Variants in PHACTR2 observed in about 807,000 individuals in gnomAD.
The protein encoded by PHACTR2 is chromosome 6 open reading frame 56.
PHACTR2 carries 30 observed loss-of-function variants against 76.0 expected under a neutral mutation model. The ratio of observed to expected loss-of-function variants is 0.39; its 90% CI spans 0.30 to 0.54. The LOEUF (loss-of-function observed/expected upper bound fraction) is 0.54, where lower values mean the gene tolerates loss of function less well. Ranked by LOEUF, PHACTR2 falls within the 20% of genes least tolerant of loss-of-function variation. The pLI, the probability that PHACTR2 is intolerant of heterozygous loss-of-function variation, is 0.61. For missense variants in PHACTR2, 696 were observed against 781.1 expected, an observed-to-expected ratio of 0.89 and a Z score of 1.30; for synonymous variants, 292 against 292.5, an observed-to-expected ratio of 1.00 and a Z score of 0.02.
At chr6:143,748,162 T>C (rs1314170662) in intron 2 of PHACTR2, among the ~76,000 whole-genome samples, 1 of 152,028 alleles carries the variant, frequency 6.6e-6, no homozygotes, top group Non-Finnish European at 1.5e-5. Context: ...GCCTCCTGGG[T>C]TCAGGCGATT....
At position 143,765,137 on chromosome 6, in the gene PHACTR2, A is replaced by G. The variant is rs983200840; in HGVS notation, c.695-124A>G. On this transcript the variant is annotated intron_variant, in intron 5 of 12. Transcript: ENST00000440869. The surrounding 1 kb of genome is among the most constrained non-coding windows in gnomAD (Gnocchi z 4.1). ...TATCATGATTAGCCTATTTTCTCTT[A>G]TACATTTATTCAACAAACTTTAAAG... 3 of 743,920 alleles carry G rather than the reference A, an allele frequency of 4.0e-6. No homozygotes were observed. The African/African-American group carries it at 5.3e-5, about 13-fold the overall frequency. The allele number at this position is 743,920 out of a possible 1,614,324, so 46.1% of individuals were successfully genotyped here.
intron 1 of PHACTR2, among the ~76,000 whole-genome samples, chr6:143,657,032 A>G (rs1279544679): frequency 1.4e-5 from 2 of 148,036 alleles, no homozygotes; most frequent in East Asian, 2.1e-4. Context: ...GAGTTGAACA[A>G]TGAGAACACA....
intron 1 of PHACTR2, among the ~76,000 whole-genome samples, chr6:143,693,206 C>T (rs1024775851): frequency 1.3e-5 from 2 of 151,822 alleles, no homozygotes; most frequent in Non-Finnish European, 2.9e-5. Context: ...GGACACAATT[C>T]AGCCCATAGT....
chr6:143,649,387 A>G (rs1042888240), intron 1 of PHACTR2, among the ~76,000 whole-genome samples: 22 of 152,220 alleles, frequency 1.4e-4, no homozygotes, highest in Non-Finnish European at 2.6e-4. Context: ...AGATACAACA[A>G]AAAAAGAAAA....
rs2128463639 is a variant in PHACTR2, at chr6:143,722,580, T to C, written c.214+10397T>C. On this transcript the variant is annotated intron_variant, in intron 2 of 12. Coordinates refer to ENST00000440869, the MANE Select transcript of PHACTR2 (RefSeq NM_001100164.2). The surrounding 1 kb of genome is among the most constrained non-coding windows in gnomAD (Gnocchi z 4.1). ...AATGTTTAAATCAAGGTAATTGAGA[T>C]ATACATCACCTCAAACATTTATCGT... is the stretch of plus-strand genomic sequence containing the variant. 6.6e-6 allele frequency among the ~76,000 whole-genome samples: 1 copy of C among 152,376 alleles called. No homozygotes were observed. Among genetic ancestry groups the C allele is most frequent in the Middle Eastern group, 3.4e-3 (1 of 294 alleles).
rs956610761 is a variant in PHACTR2 at position 143,616,944 on chromosome 6, G to T, written c.13+8622G>T. Among the ~76,000 whole-genome samples, 4 of 152,284 alleles carry T rather than the reference G, an allele frequency of 2.6e-5. No homozygotes were observed. Among genetic ancestry groups the T allele is most frequent in the Admixed American group, 2.0e-4 (3 of 15,304 alleles). Reference sequence around the variant, plus strand: ...TTGACTGGGATGTCTGAGCAACAAGGCCAGTGTGTCTGGGGCCTGATGAGA... The same window carrying T: ...TTGACTGGGATGTCTGAGCAACAAGTCCAGTGTGTCTGGGGCCTGATGAGA... On this transcript the variant is annotated intron_variant, in intron 1 of 11. Transcript: ENST00000305766. This position sits in a 1 kb window ranked among gnomAD's most constrained non-coding sequence, Gnocchi z 4.9.
chr6:143,685,024 C>G (rs1422741662), intron 1 of PHACTR2, among the ~76,000 whole-genome samples: 2 of 152,042 alleles, frequency 1.3e-5, no homozygotes, highest in African/African-American at 2.4e-5. Context: ...AACCTAATGT[C>G]TATCATATAT....
At chr6:143,590,985 A>G (rs1188328529) in intron 1 of PHACTR2, among the ~76,000 whole-genome samples, 1 of 152,196 alleles carries the variant, frequency 6.6e-6, no homozygotes, top group Non-Finnish European at 1.5e-5. Context: ...TGAAAACTCG[A>G]CGTGTATATC....
At chr6:143,779,899 T>TTTATTTTATA (rs1775378901) in intron 9 of PHACTR2, among the ~76,000 whole-genome samples, 1 of 140,988 alleles carries the variant, frequency 7.1e-6, no homozygotes, top group Non-Finnish European at 1.5e-5. Context: ...CATATACGTA[T>TTTATTTTATA]TTATATTATA....
chr6:143,728,740 A>G (rs897761577), intron 2 of PHACTR2, among the ~76,000 whole-genome samples: 32 of 152,188 alleles, frequency 2.1e-4, no homozygotes, highest in African/African-American at 7.2e-4. Flanking sequence ...TAGGGAAAGA[A>G]CATCCTCTTC....
At chr6:143,542,866 A>C (rs1317090186) in intron 1 of PHACTR2, among the ~76,000 whole-genome samples, 2 of 152,216 alleles carry the variant, frequency 1.3e-5, no homozygotes, top group African/African-American at 4.8e-5. Context: ...TGGAGCCGAA[A>C]CCAGTTGTGG....
At position 143,782,507 on chromosome 6, in the gene PHACTR2, T is replaced by C. The variant is rs145040690; in HGVS notation, c.1646-712T>C. Among the ~76,000 whole-genome samples the C allele has an allele frequency of 5.0e-3, 754 of 152,322 alleles. 4 individuals carry two copies. The highest frequency in any genetic ancestry group is 0.011 in the Admixed American group (163 of 15,298). ...TTTATTTCTTTAAAAATTTTGGACA[T>C]TTTTCTTTAAATCCCATCTGTTGGG... On this transcript the variant is annotated intron_variant, in intron 9 of 12. Transcript: ENST00000440869. This position sits in a 1 kb window ranked among gnomAD's most constrained non-coding sequence, Gnocchi z 4.6.
At chr6:143,607,392 G>A (rs770396906), upstream of PHACTR2, among the ~76,000 whole-genome samples, 4 of 152,208 alleles carry the variant, frequency 2.6e-5, no homozygotes, top group Admixed American at 6.5e-5. Flanking sequence ...GCAGTTTTTG[G>A]TGTCTTTGAG....
At position 143,646,016 on chromosome 6, in the gene PHACTR2, T is replaced by C. The variant is rs866863428; in HGVS notation, c.13+37694T>C. Among the ~76,000 whole-genome samples the C allele has an allele frequency of 6.6e-6, 1 of 152,142 alleles. No homozygotes were observed. Among genetic ancestry groups the C allele is most frequent in the Admixed American group, 6.5e-5 (1 of 15,274 alleles). On this transcript the variant is annotated intron_variant, in intron 1 of 11. Transcript: ENST00000305766. This position sits in a 1 kb window ranked among gnomAD's most constrained non-coding sequence, Gnocchi z 4.1. ...ATAGTCTATCAGAAAAGATGAAGCA[T>C]AGATTTAAAAAAACTGGAGAAGAAT...
In PHACTR2 at chr6:143,678,231, T is replaced by A; in HGVS notation, c.46+22T>A. 6.8e-7 allele frequency: 1 copy of A among 1,477,226 alleles called. No homozygotes were observed. Among genetic ancestry groups the A allele is most frequent in the Non-Finnish European group, 9.0e-7 (1 of 1,115,296 alleles). 91.5% of individuals were successfully genotyped at this position (1,477,226 alleles called of 1,614,324 possible). A position where few individuals can be genotyped will look rare whatever the true frequency, so the allele number is the denominator to read the frequency against. Reference sequence around the variant, plus strand: ...AGCGGTGAGTCCGGGGCGCACGCGATGCGCTCCCGCCGCGCGGGCGCAGGG... The same window carrying A: ...AGCGGTGAGTCCGGGGCGCACGCGAAGCGCTCCCGCCGCGCGGGCGCAGGG... On this transcript the variant is annotated intron_variant, in intron 1 of 12. Transcript: ENST00000440869. The surrounding 1 kb of genome is among the most constrained non-coding windows in gnomAD (Gnocchi z 6.2).
Position 143,805,255 on chromosome 6 carries a change from G to A in PHACTR2, c.1846-1802G>A, listed in dbSNP as rs144403395. 6.7e-3 allele frequency among the ~76,000 whole-genome samples: 1,016 copies of A among 152,114 alleles called. 11 individuals carry two copies. Among genetic ancestry groups the A allele is most frequent in the African/African-American group, 0.023 (955 of 41,510 alleles). On this transcript the variant is annotated intron_variant, in intron 11 of 12. Coordinates refer to ENST00000440869, the MANE Select transcript of PHACTR2 (RefSeq NM_001100164.2). ...AGCATTTTGGGAGGCCGAGGCGGGC[G>A]GATCACAAAGTCAGGAGTTTGAGAC...
intron 1 of PHACTR2, among the ~76,000 whole-genome samples, chr6:143,544,084 A>G (rs6911131): frequency 0.092 from 13,977 of 152,176 alleles, 920 homozygotes; most frequent in African/African-American, 0.19. Flanking sequence ...TGCAGGCCAC[A>G]GAGACTAGAA....
In PHACTR2 at chr6:143,795,755, G is replaced by C; in HGVS notation, c.1845+6845G>C. Among the ~76,000 whole-genome samples the C allele has an allele frequency of 6.6e-6, 1 of 152,246 alleles. No individual in the cohort carries two copies. Among genetic ancestry groups the C allele is most frequent in the East Asian group, 1.9e-4 (1 of 5,178 alleles). On this transcript the variant is annotated intron_variant, in intron 11 of 12. Coordinates refer to ENST00000440869, the MANE Select transcript of PHACTR2 (RefSeq NM_001100164.2). The surrounding 1 kb of genome is among the most constrained non-coding windows in gnomAD (Gnocchi z 4.8). ...GACCTTGGCCAAGTCATTTAACCTAGGTTTACTTACTAGTAAAATAAAGTC... is the reference window on the plus strand; with the variant it reads ...GACCTTGGCCAAGTCATTTAACCTACGTTTACTTACTAGTAAAATAAAGTC...
intron 1 of PHACTR2, among the ~76,000 whole-genome samples, chr6:143,563,551 C>CAAAAAAA (rs76587878): frequency 6.0e-4 from 18 of 29,836 alleles, no homozygotes; most frequent in African/African-American, 5.8e-4. Flanking sequence ...AACTCCGTCT[C>CAAAAAAA]AAAAAAAAAA....
Sources: allele counts gnomAD v4.1 joint callset (sites outside exome capture counted in the v4.1 genomes callset), GRCh38; gene constraint gnomAD v4.1.1; non-coding constraint Gnocchi (gnomAD v3.1); transcripts MANE v1.5; gene names NCBI Gene and HGNC (gene_info 2026-07-23, HGNC 2026-07-21).